Variants in RFX8 observed in about 807,000 individuals in gnomAD.
The protein encoded by RFX8 is DNA-binding protein RFX8.
In RFX8, 46 loss-of-function variants were observed where a neutral mutation model predicts 54.6. The ratio of observed to expected loss-of-function variants is 0.84; its 90% confidence interval spans 0.67 to 1.08. RFX8 has a LOEUF of 1.08. Among genes scored for constraint, RFX8 ranks in the 50% least tolerant of loss-of-function variants. The probability of loss-of-function intolerance (pLI) is 0.00; values close to 1 mark genes in which losing one functional copy is unlikely to be tolerated. For missense variants in RFX8, 536 were observed against 562.3 expected (o/e 0.95, Z 0.47); for synonymous variants, 192 against 209.5 (o/e 0.92, Z 0.72).
chr2:101,407,321 A>G (rs1176603262), intron 9 of RFX8, among the ~76,000 whole-genome samples: 1 of 152,204 alleles, frequency 6.6e-6, no homozygotes. Context: ...ACCATCTGAG[A>G]TGGACTCTTG....
At chr2:101,451,050 T>A (rs565193614) in intron 2 of RFX8, among the ~76,000 whole-genome samples, 1 of 150,708 alleles carries the variant, frequency 6.6e-6, no homozygotes, top group East Asian at 1.9e-4. Context: ...GGGAAAATGA[T>A]ACCAAGGCTC....
At chr2:101,464,456 G>A (rs1689464427) in intron 2 of RFX8, among the ~76,000 whole-genome samples, 1 of 152,212 alleles carries the variant, frequency 6.6e-6, no homozygotes, top group South Asian at 2.1e-4. Context: ...GGAACTTGGT[G>A]AGAAACCGAC....
chr2:101,424,516 G>T (rs2104592178), intron 2 of RFX8, among the ~76,000 whole-genome samples: 1 of 152,168 alleles, frequency 6.6e-6, no homozygotes, highest in Non-Finnish European at 1.5e-5. Flanking sequence ...CCCATTACTG[G>T]GTATATACCC....
At chr2:101,472,812 C>T (rs374980162) in intron 1 of RFX8, among the ~76,000 whole-genome samples, 143 of 152,212 alleles carry the variant, frequency 9.4e-4, no homozygotes, top group African/African-American at 3.3e-3. Context: ...GAGGTCAGGA[C>T]TTCCAGACCA....
chr2:101,454,659 A>C (rs953199042), intron 2 of RFX8, among the ~76,000 whole-genome samples: 7 of 152,088 alleles, frequency 4.6e-5, no homozygotes, highest in African/African-American at 1.2e-4. Context: ...GATGATGAGC[A>C]TTTTTTCATG....
Position 101,464,646 on chromosome 2 carries a change from A to C in RFX8, c.72+2131T>G, listed in dbSNP as rs545869267. On this transcript the variant is annotated intron_variant, in intron 2 of 11. Transcript: ENST00000428343. ...CTGATGTGGCCCGTTTTTCAGGCAA[A>C]TTTCCAATGAGAGCTGAAAGTTAGT... 2.6e-5 allele frequency among the ~76,000 whole-genome samples: 4 copies of C among 152,204 alleles called. No homozygotes were observed. The South Asian group carries it at 8.3e-4, about 32-fold the overall frequency.
chr2:101,421,386 G>A (rs1050496651), intron 4 of RFX8: 39 of 1,022,628 alleles, frequency 3.8e-5, no homozygotes, highest in East Asian at 1.7e-4. Context: ...ATGGCTCTTC[G>A]GCACCATTGA....
Position 101,405,982 on chromosome 2 carries a change from C to T in RFX8, c.889G>A (p.Val297Ile). The T allele has an allele frequency of 1.3e-6, 2 of 1,548,810 alleles. No homozygotes were observed. The highest frequency in any genetic ancestry group is 1.4e-5 in the African/African-American group (1 of 72,932). The change falls in exon 10 of 12, where the codon GTA becomes ATA. Residue 297 changes from valine to isoleucine, a missense_variant. By Grantham distance (29) the Val-to-Ile change is conservative. Coordinates refer to ENST00000428343, the MANE Select transcript of RFX8 (RefSeq NM_001145664.2). ...QLRWNLLLTA[V>I]SKAMTLCHRD... ...TGGCAGAGGGTCATGGCTTTGCTTA[C>T]AGCAGTGAGAAGAAGATTCCATCTC... is the stretch of plus-strand genomic sequence containing the variant.
chr2:101,423,657 A>C (rs933043819), intron 2 of RFX8, among the ~76,000 whole-genome samples: 1 of 152,038 alleles, frequency 6.6e-6, no homozygotes, highest in Non-Finnish European at 1.5e-5. Flanking sequence ...AAGCACCCTA[A>C]GCCTCACTAA....
At chr2:101,406,317 T>A (rs1685734872) in intron 9 of RFX8, among the ~76,000 whole-genome samples, 1 of 151,510 alleles carries the variant, frequency 6.6e-6, no homozygotes, top group South Asian at 2.1e-4. Context: ...TCACTTTTTC[T>A]CTTAAAATAA....
intron 2 of RFX8, among the ~76,000 whole-genome samples, chr2:101,424,861 C>T (rs1174268493): frequency 6.6e-6 from 1 of 151,974 alleles, no homozygotes. Context: ...CACCAGGGCC[C>T]GTCAGGGGGT....
chr2:101,413,319 C>T (rs1686267587), intron 7 of RFX8, among the ~76,000 whole-genome samples: 1 of 152,244 alleles, frequency 6.6e-6, no homozygotes, highest in South Asian at 2.1e-4. Context: ...GGCACTGCTG[C>T]TGCTGCTTCT....
At chr2:101,421,219 C>T (rs1686844348) in intron 4 of RFX8, 1 of 982,166 alleles carries the variant, frequency 1.0e-6, no homozygotes, top group Non-Finnish European at 1.2e-6. Context: ...CTTGGATTTT[C>T]ATCTCACACT....
chr2:101,466,803 G>T lies in RFX8; in HGVS notation c.46C>A (p.Gln16Lys). Residue 16 changes from glutamine to lysine, a missense_variant, in exon 2 of 12, where the codon CAA becomes AAA. By Grantham distance (53) the Gln-to-Lys change is moderately conservative. Transcript: ENST00000428343. ...TTCCCAAAGGTGGCCGGGTTGACTT[G>T]GTTCTCAGTGTTTTGCCCACAGGTC... ...VETCGQNTEN[Q>K]VNPATFGKCE... 3.9e-6 allele frequency: 6 copies of T among 1,551,458 alleles called. No individual in the cohort carries two copies. The highest frequency in any genetic ancestry group is 5.2e-6 in the Non-Finnish European group (6 of 1,146,794).
chr2:101,445,034 T>C (rs909867245), intron 2 of RFX8, among the ~76,000 whole-genome samples: 1 of 152,212 alleles, frequency 6.6e-6, no homozygotes, highest in Non-Finnish European at 1.5e-5. Flanking sequence ...ACATGTAGTA[T>C]TGCATAGTGT....
chr2:101,465,912 G>A (rs1292179926), intron 2 of RFX8, among the ~76,000 whole-genome samples: 2 of 152,130 alleles, frequency 1.3e-5, no homozygotes, highest in Non-Finnish European at 2.9e-5. Context: ...CGAAACAGGT[G>A]GGCAGGGAGG....
chr2:101,458,350 G>A (rs545577734), intron 2 of RFX8, among the ~76,000 whole-genome samples: 9 of 152,236 alleles, frequency 5.9e-5, no homozygotes, highest in Middle Eastern at 3.4e-3. Flanking sequence ...GACTGGTATC[G>A]GCTGTTTGTT....
intron 2 of RFX8, among the ~76,000 whole-genome samples, chr2:101,442,326 C>A (rs1455223931): frequency 6.6e-6 from 1 of 152,200 alleles, no homozygotes; most frequent in East Asian, 1.9e-4. Context: ...TTCTGCTCTT[C>A]CCATTGTTTT....
At chr2:101,430,369 A>G (rs6543051) in intron 2 of RFX8, among the ~76,000 whole-genome samples, 4 of 151,980 alleles carry the variant, frequency 2.6e-5, no homozygotes, top group African/African-American at 9.7e-5. Context: ...TCTATGTGAC[A>G]GTATTTGTAA....
Sources: gnomAD v4.1 joint callset for allele counts (sites outside exome capture counted in the v4.1 genomes callset) on GRCh38, gnomAD v4.1.1 for gene constraint, MANE v1.5 for transcripts, NCBI Gene and HGNC (gene_info 2026-07-23, HGNC 2026-07-21) for gene names.